The following ETV6 variants were observed in gnomAD, a reference collection of about 807,000 sequenced individuals.
The protein encoded by ETV6 is transcription factor ETV6.
In ETV6, 16 loss-of-function variants were observed where a neutral mutation model predicts 51.1. The ratio of observed to expected loss-of-function variants is 0.31; its 90% CI spans 0.21 to 0.48. ETV6 has a LOEUF of 0.48. Ranked by LOEUF, ETV6 falls within the 20% of genes least tolerant of loss-of-function variation. The pLI is 0.99. For missense variants in ETV6, 458 were observed against 594.8 expected, an observed-to-expected ratio of 0.77 and a Z score of 2.39; for synonymous variants, 240 against 224.1, an observed-to-expected ratio of 1.07 and a Z score of -0.64.
At chr12:11,658,959 A>G (rs1279507138) in intron 1 of ETV6, among the ~76,000 whole-genome samples, 1 of 152,208 alleles carries the variant, frequency 6.6e-6, no homozygotes, top group Non-Finnish European at 1.5e-5. Flanking sequence ...CTGCTCCTTC[A>G]TACAGTTGCT....
chr12:11,649,936 G>A lies in ETV6; in HGVS notation c.-192G>A. On this transcript the variant is annotated 5_prime_UTR_variant, in exon 1 of 8. Transcript: ENST00000396373. ...CCGTCTCCCACGCCCCCGCCGCCCCGCGCGCCCAACTCCGCCGGCCGCCCC... is the reference window on the plus strand; with the variant it reads ...CCGTCTCCCACGCCCCCGCCGCCCCACGCGCCCAACTCCGCCGGCCGCCCC... 3.2e-6 allele frequency: 1 copy of A among 311,548 alleles called. No individual in the cohort carries two copies. Among genetic ancestry groups the A allele is most frequent in the Admixed American group, 5.2e-5 (1 of 19,236 alleles). 19.3% of individuals were successfully genotyped at this position (311,548 alleles called of 1,614,324 possible).
At chr12:11,843,391 C>T (rs998828788) in intron 3 of ETV6, among the ~76,000 whole-genome samples, 3 of 152,146 alleles carry the variant, frequency 2.0e-5, no homozygotes, top group African/African-American at 7.2e-5. Context: ...AGTGAAAGTC[C>T]TCAGGCCTGG....
chr12:11,708,726 C>T (rs1338225871), intron 1 of ETV6, among the ~76,000 whole-genome samples: 1 of 152,228 alleles, frequency 6.6e-6, no homozygotes, highest in African/African-American at 2.4e-5. Context: ...AGAAAGCTGA[C>T]ACCCAGTGCC....
chr12:11,664,772 C>T (rs994328549), intron 1 of ETV6, among the ~76,000 whole-genome samples: 12 of 152,208 alleles, frequency 7.9e-5, no homozygotes, highest in Admixed American at 5.9e-4. Flanking sequence ...TCCATACCGG[C>T]TGTCACTGCC....
At chr12:11,730,987 C>G (rs1172970908) in intron 1 of ETV6, among the ~76,000 whole-genome samples, 1 of 152,304 alleles carries the variant, frequency 6.6e-6, no homozygotes, top group South Asian at 2.1e-4. Flanking sequence ...CCCCTCTACC[C>G]GATTCTAGGC....
At chr12:11,845,409 A>G (rs1946446940) in intron 3 of ETV6, among the ~76,000 whole-genome samples, 2 of 152,012 alleles carry the variant, frequency 1.3e-5, no homozygotes, top group South Asian at 2.1e-4. Context: ...TTTTCTCGAG[A>G]GCTTATTTTG....
At chr12:11,840,570 A>C in intron 3 of ETV6, 1 of 453,940 alleles carries the variant, frequency 2.2e-6, no homozygotes, top group South Asian at 1.6e-5. Context: ...GCCAGAAGTT[A>C]ATAAACTAAC....
chr12:11,741,153 T>G (rs1455644335), intron 1 of ETV6, among the ~76,000 whole-genome samples: 1 of 152,148 alleles, frequency 6.6e-6, no homozygotes, highest in Non-Finnish European at 1.5e-5. Context: ...GATAGTGCAG[T>G]GTGCAAAAAT....
chr12:11,650,496 C>CAAAAAAAAAAAAAAAAAAA (rs1252618617), intron 1 of ETV6, among the ~76,000 whole-genome samples: 1 of 111,428 alleles, frequency 9.0e-6, no homozygotes, highest in Admixed American at 1.0e-4. Flanking sequence ...AAAAAAAAAA[C>CAAAAAAAAAAAAAAAAAAA]AAAAAACAAA....
At chr12:11,756,896 T>C (rs1945016095) in intron 2 of ETV6, among the ~76,000 whole-genome samples, 2 of 152,372 alleles carry the variant, frequency 1.3e-5, no homozygotes, top group South Asian at 4.1e-4. Context: ...AATAATTAAA[T>C]GTCGTTATTT....
chr12:11,725,876 C>T (rs901734734), intron 1 of ETV6, among the ~76,000 whole-genome samples: 1 of 152,200 alleles, frequency 6.6e-6, no homozygotes, highest in Non-Finnish European at 1.5e-5. Context: ...GAGGTCCTCA[C>T]CAGAAGCAGA....
Position 11,874,700 on chromosome 12 carries a change from A to G in ETV6, c.1009+4731A>G, listed in dbSNP as rs1389109813. On this transcript the variant is annotated intron_variant, in intron 5 of 7. Transcript: ENST00000396373. ...TGTATATATGTATATGTGTGTATAT[A>G]TGTATATATGTATATGTGTATATAT... 7.8e-5 allele frequency among the ~76,000 whole-genome samples: 11 copies of G among 141,470 alleles called. 1 individual carries two copies. Among genetic ancestry groups the G allele is most frequent in the African/African-American group, 3.0e-4 (11 of 36,088 alleles). The allele number at this position is 141,470 out of a possible 152,430, so 92.8% of individuals were successfully genotyped here. A position where few individuals can be genotyped will look rare whatever the true frequency, so the allele number is the denominator to read the frequency against.
chr12:11,721,084 A>G (rs1007631442), intron 1 of ETV6, among the ~76,000 whole-genome samples: 3 of 152,192 alleles, frequency 2.0e-5, no homozygotes, highest in East Asian at 1.9e-4. Context: ...TGGTGAGGCT[A>G]TGGAGAAAAG....
chr12:11,868,441 T>C (rs112102811), intron 4 of ETV6, among the ~76,000 whole-genome samples: 16 of 122,280 alleles, frequency 1.3e-4, no homozygotes, highest in Admixed American at 1.7e-4. Flanking sequence ...TTTTCTTCTT[T>C]TTTTTTTTTT....
chr12:11,791,248 GT>G (rs2136386662), intron 2 of ETV6, among the ~76,000 whole-genome samples: 1 of 151,928 alleles, frequency 6.6e-6, no homozygotes, highest in African/African-American at 2.4e-5. Context: ...ATCTCTTCTG[GT>G]GTCTTTGTCC....
chr12:11,842,266 C>A (rs1371698665), intron 3 of ETV6, among the ~76,000 whole-genome samples: 1 of 152,098 alleles, frequency 6.6e-6, no homozygotes, highest in Admixed American at 6.5e-5. Context: ...TCCTGGAAGG[C>A]TTCTCTTGAC....
chr12:11,788,868 G>A (rs932998804), intron 2 of ETV6, among the ~76,000 whole-genome samples: 17 of 147,894 alleles, frequency 1.1e-4, no homozygotes, highest in African/African-American at 3.8e-4. Context: ...ATGCATCCTC[G>A]TAATCATAAT....
At chr12:11,806,808 C>G (rs1945836278) in intron 2 of ETV6, among the ~76,000 whole-genome samples, 2 of 152,206 alleles carry the variant, frequency 1.3e-5, no homozygotes, top group Non-Finnish European at 1.5e-5. Context: ...CACTTACGTA[C>G]ATGGTAGTCC....
intron 1 of ETV6, among the ~76,000 whole-genome samples, chr12:11,655,921 A>G (rs1863991031): frequency 1.3e-5 from 2 of 152,228 alleles, no homozygotes; most frequent in African/African-American, 4.8e-5. Flanking sequence ...ATTCTCTGTA[A>G]TTAAAGGTGT....
Sources: allele counts gnomAD v4.1 joint callset (sites outside exome capture counted in the v4.1 genomes callset), GRCh38; gene constraint gnomAD v4.1.1; transcripts MANE v1.5; gene names NCBI Gene and HGNC (gene_info 2026-07-23, HGNC 2026-07-21).